Variants in SAMSN1 observed in about 807,000 individuals in gnomAD.
SAMSN1 encodes the protein SAM domain-containing protein SAMSN-1.
Under a neutral mutation model 42.0 loss-of-function variants are expected in SAMSN1, and 31 were observed. That is an observed-to-expected ratio of 0.74 (90% CI 0.55 to 1.00). The LOEUF (loss-of-function observed/expected upper bound fraction) is 1.00, where lower values mean the gene tolerates loss of function less well. Among genes scored for constraint, SAMSN1 ranks in the 50% least tolerant of loss-of-function variants. The pLI, the probability that SAMSN1 is intolerant of heterozygous loss-of-function variation, is 0.00. For synonymous variants in SAMSN1, 178 were observed against 151.9 expected (o/e 1.17, Z -1.26); for missense variants, 464 against 439.4 (o/e 1.06, Z -0.50).
At chr21:14,587,083 G>A (rs534569359), upstream of SAMSN1, among the ~76,000 whole-genome samples, 2 of 152,284 alleles carry the variant, frequency 1.3e-5, no homozygotes, top group Non-Finnish European at 2.9e-5. Context: ...TTGGTTTACA[G>A]TTTTGTTCTT....
chr21:14,523,821 A>T (rs1978656873), intron 1 of SAMSN1, among the ~76,000 whole-genome samples: 1 of 152,198 alleles, frequency 6.6e-6, no homozygotes, highest in African/African-American at 2.4e-5. Flanking sequence ...TCCATTAAGT[A>T]ATCAATAGCC....
At chr21:14,622,023 T>C (rs1983025503) in intron 2 of SAMSN1, among the ~76,000 whole-genome samples, 1 of 152,166 alleles carries the variant, frequency 6.6e-6, no homozygotes, top group African/African-American at 2.4e-5. Context: ...GGGTCTGGAG[T>C]GGACCTCCAG....
At chr21:14,625,559 T>C (rs1055782383) in intron 2 of SAMSN1, among the ~76,000 whole-genome samples, 2 of 152,072 alleles carry the variant, frequency 1.3e-5, no homozygotes, top group Non-Finnish European at 2.9e-5. Flanking sequence ...TACCTAGGAA[T>C]CCAACTTACC....
chr21:14,514,002 C>G (rs1987800123), intron 3 of SAMSN1, among the ~76,000 whole-genome samples: 1 of 152,118 alleles, frequency 6.6e-6, no homozygotes, highest in Non-Finnish European at 1.5e-5. Flanking sequence ...ACTGACAGTC[C>G]CAGGACTGCC....
At chr21:14,543,749 C>T (rs995844358) in intron 1 of SAMSN1, among the ~76,000 whole-genome samples, 6 of 151,888 alleles carry the variant, frequency 4.0e-5, no homozygotes, top group African/African-American at 1.5e-4. Context: ...AGTTTTTACC[C>T]TACTATAGGA....
intron 1 of SAMSN1, among the ~76,000 whole-genome samples, chr21:14,521,913 A>G (rs1978513954): frequency 6.6e-6 from 1 of 151,728 alleles, no homozygotes; most frequent in African/African-American, 2.4e-5. Flanking sequence ...AAAAAAAAAA[A>G]GAACATAAGT....
At position 14,635,086 on chromosome 21, in the gene SAMSN1, A is replaced by C. The variant is rs374087260; in HGVS notation, c.156+7916T>G. On this transcript the variant is annotated intron_variant, in intron 2 of 15. Coordinates refer to the SAMSN1 transcript ENST00000647101. ...CTCAGCAAACTAACACAGGAACAGA[A>C]GACCAAACATCACATGTTCTCACTC... Among the ~76,000 whole-genome samples, 6 of 152,352 alleles carry C rather than the reference A, an allele frequency of 3.9e-5. No homozygotes were observed. In the East Asian group the frequency reaches 1.2e-3, roughly 29 times the overall value.
At chr21:14,624,269 C>T (rs537452820) in intron 2 of SAMSN1, among the ~76,000 whole-genome samples, 1 of 152,234 alleles carries the variant, frequency 6.6e-6, no homozygotes, top group Admixed American at 6.5e-5. Context: ...CAAGAAATAA[C>T]TAAGATCAGA....
intron 1 of SAMSN1, among the ~76,000 whole-genome samples, chr21:14,541,589 G>A (rs893935412): frequency 6.6e-6 from 1 of 152,120 alleles, no homozygotes; most frequent in African/African-American, 2.4e-5. Flanking sequence ...TGTGGTCCAA[G>A]AAAATTCTTC....
At chr21:14,553,344 A>G (rs552453255) in intron 2 of SAMSN1, among the ~76,000 whole-genome samples, 1 of 152,220 alleles carries the variant, frequency 6.6e-6, no homozygotes, top group African/African-American at 2.4e-5. Flanking sequence ...TTCTCTATAT[A>G]TTGTTAATAT....
intron 2 of SAMSN1, among the ~76,000 whole-genome samples, chr21:14,630,628 G>T (rs960067468): frequency 6.6e-6 from 1 of 152,078 alleles, no homozygotes; most frequent in Non-Finnish European, 1.5e-5. Context: ...AGATATAACA[G>T]GAAACAATAA....
chr21:14,555,421 T>G (rs1042978683), intron 2 of SAMSN1, among the ~76,000 whole-genome samples: 5 of 152,212 alleles, frequency 3.3e-5, no homozygotes, highest in African/African-American at 9.6e-5. Flanking sequence ...CCCTGCCTTT[T>G]AAAACATTTG....
rs188201901 is a variant in SAMSN1, at chr21:14,623,647, G to A, written c.157-7631C>T. Among the ~76,000 whole-genome samples, 32 of 152,100 alleles carry A rather than the reference G, an allele frequency of 2.1e-4. 1 individual carries two copies. The highest frequency in any genetic ancestry group is 6.7e-4 in the African/African-American group (28 of 41,526). ...AAAGCAAGTCCTTAGAGACCTACAA[G>A]GAGACTTAGACTCCCACACAATAAT... On this transcript the variant is annotated intron_variant, in intron 2 of 15. Coordinates refer to the SAMSN1 transcript ENST00000647101.
chr21:14,580,457 T>A (rs999246537), intron 2 of SAMSN1, among the ~76,000 whole-genome samples: 13 of 152,216 alleles, frequency 8.5e-5, no homozygotes, highest in African/African-American at 2.7e-4. Flanking sequence ...ATCCTGCTTC[T>A]GAAGATATCA....
intron 1 of SAMSN1, among the ~76,000 whole-genome samples, chr21:14,539,566 A>C (rs9980635): frequency 0.54 from 80,805 of 149,898 alleles, 22,179 homozygotes; most frequent in East Asian, 0.78. Flanking sequence ...GAATAAAATA[A>C]ATAGGAATCC....
intron 2 of SAMSN1, among the ~76,000 whole-genome samples, chr21:14,633,991 A>C (rs1983398515): frequency 6.6e-6 from 1 of 152,106 alleles, no homozygotes; most frequent in Non-Finnish European, 1.5e-5. Context: ...GCTTTTTATC[A>C]GTACAAAATG....
At chr21:14,562,784 A>T (rs1336745603) in intron 2 of SAMSN1, among the ~76,000 whole-genome samples, 1 of 152,104 alleles carries the variant, frequency 6.6e-6, no homozygotes, top group African/African-American at 2.4e-5. Flanking sequence ...CCTAAGAAGC[A>T]TTCTCCAAGT....
At chr21:14,629,597 C>T (rs1243379088) in intron 2 of SAMSN1, among the ~76,000 whole-genome samples, 2 of 152,180 alleles carry the variant, frequency 1.3e-5, no homozygotes, top group South Asian at 4.1e-4. Context: ...TCTGCTTTCT[C>T]TAAGAGGGTG....
intron 1 of SAMSN1, among the ~76,000 whole-genome samples, chr21:14,539,393 C>T (rs1049270030): frequency 6.6e-6 from 1 of 151,984 alleles, no homozygotes; most frequent in African/African-American, 2.4e-5. Flanking sequence ...TCTAGAAAAC[C>T]CCATTATCTC....
Sources: gnomAD v4.1 joint callset for allele counts (sites outside exome capture counted in the v4.1 genomes callset) on GRCh38, gnomAD v4.1.1 for gene constraint, MANE v1.5 for transcripts, NCBI Gene and HGNC (gene_info 2026-07-23, HGNC 2026-07-21) for gene names.